ZBED6: variants seen among roughly 807,000 people sequenced by gnomAD.
ZBED6 encodes the protein zinc finger BED domain-containing protein 6.
In ZBED6, 40 loss-of-function variants were observed where a neutral mutation model predicts 58.4. That is an observed-to-expected ratio of 0.68 (90% CI 0.53 to 0.89). The LOEUF (loss-of-function observed/expected upper bound fraction) is 0.89. Among genes scored for constraint, ZBED6 ranks in the 40% least tolerant of loss-of-function variants. The pLI, the probability that ZBED6 is intolerant of heterozygous loss-of-function variation, is 0.00. For synonymous variants in ZBED6, 439 were observed against 350.6 expected, an observed-to-expected ratio of 1.25 and a Z score of -2.82; for missense variants, 1,057 against 1,003.9, an observed-to-expected ratio of 1.05 and a Z score of -0.71.
intron 16 of ZBED6, 120 bp from the exon 17 acceptor site, chr1:203,852,020 AT>A: frequency 1.3e-6 from 1 of 772,776 alleles, no homozygotes; most frequent in East Asian, 3.0e-5. Context: ...CAGTAAAAGA[AT>A]TATTTCTTTA....
intron 11 of ZBED6, among the ~76,000 whole-genome samples, chr1:203,842,332 T>TC (rs1686627634): frequency 6.6e-6 from 1 of 152,252 alleles, no homozygotes; most frequent in Non-Finnish European, 1.5e-5. Context: ...TGAGCGAGAC[T>TC]CCGTCTGCAA....
At chr1:203,813,258 G>A (rs1306283609) in intron 1 of ZBED6, among the ~76,000 whole-genome samples, 1 of 151,784 alleles carries the variant, frequency 6.6e-6, no homozygotes, top group African/African-American at 2.4e-5. Flanking sequence ...CTAGGCTGGA[G>A]TGCAGTGGTG....
chr1:203,799,839 T>A (rs375656792), exon 1 of ZBED6: 13 of 1,520,646 alleles, frequency 8.5e-6, no homozygotes, highest in African/African-American at 6.9e-5. Flanking sequence ...GTTAGATCCT[T>A]GCTTTAAAAA....
At chr1:203,834,116 C>A in intron 9 of ZBED6, 1 of 1,126,650 alleles carries the variant, frequency 8.9e-7, no homozygotes, top group Non-Finnish European at 1.1e-6. Context: ...AAGAACACCT[C>A]TATTTCTCTG....
chr1:203,839,801 C>A (rs1017648188), intron 10 of ZBED6, among the ~76,000 whole-genome samples: 4 of 151,890 alleles, frequency 2.6e-5, no homozygotes, highest in Admixed American at 2.0e-4. Flanking sequence ...TTCTTTGTTT[C>A]TTTTGGTATT....
At chr1:203,819,085 T>TAC (rs1329539748) in intron 3 of ZBED6, among the ~76,000 whole-genome samples, 112 of 66,030 alleles carry the variant, frequency 1.7e-3, no homozygotes, top group African/African-American at 4.6e-3. Context: ...AAAATATATA[T>TAC]ATATACACAC....
chr1:203,797,323 A>G, exon 1 of ZBED6: 1 of 474,182 alleles, frequency 2.1e-6, no homozygotes, highest in African/African-American at 2.0e-5. Context: ...GCCCTCTAAG[A>G]AAGAGTTCGG....
intron 3 of ZBED6, among the ~76,000 whole-genome samples, chr1:203,821,827 C>T (rs12028219): frequency 2.0e-5 from 3 of 151,748 alleles, no homozygotes; most frequent in South Asian, 2.1e-4. Flanking sequence ...GCGCGATCTC[C>T]GCTCACTGCA....
At chr1:203,838,369 T>A (rs1229639911) in intron 10 of ZBED6, among the ~76,000 whole-genome samples, 1 of 152,194 alleles carries the variant, frequency 6.6e-6, no homozygotes, top group Admixed American at 6.5e-5. Context: ...AGGAGAGGCA[T>A]CTATTATTAC....
chr1:203,839,129 G>A (rs1685292393), intron 10 of ZBED6, among the ~76,000 whole-genome samples: 1 of 152,154 alleles, frequency 6.6e-6, no homozygotes, highest in African/African-American at 2.4e-5. Flanking sequence ...GATAAGACGA[G>A]GTAGTGGCAT....
At chr1:203,809,218 C>T (rs985848154) in intron 1 of ZBED6, among the ~76,000 whole-genome samples, 2 of 144,112 alleles carry the variant, frequency 1.4e-5, no homozygotes, top group Non-Finnish European at 3.0e-5. Flanking sequence ...CTTTGTCTCC[C>T]AGGCTGGAGT....
Position 203,833,863 on chromosome 1 carries a change from GTTTTGTGTATATC to G in ZBED6, c.*3573+15_*3573+27del. On this transcript the variant is annotated intron_variant, in intron 9 of 16. Transcript: ENST00000550078. ...CGAAAATTTTCAGCAGGTAAGATAA[GTTTTGTGTATATC>G]TTTTCTTTTCTACTTGTTTGTGCAT... 6.2e-7 allele frequency: 1 copy of G among 1,607,052 alleles called. No homozygotes were observed. The highest frequency in any genetic ancestry group is 1.1e-5 in the South Asian group (1 of 89,920).
At chr1:203,808,529 C>A (rs1056545460) in intron 1 of ZBED6, among the ~76,000 whole-genome samples, 11 of 152,146 alleles carry the variant, frequency 7.2e-5, no homozygotes, top group Admixed American at 3.3e-4. Context: ...CTTTCATAAT[C>A]TCTACAAATT....
At chr1:203,806,085 C>T (rs913330051) in intron 1 of ZBED6, 9 of 504,386 alleles carry the variant, frequency 1.8e-5, no homozygotes, top group African/African-American at 5.9e-5. Context: ...AGGCTTTCTG[C>T]GTAATCATAT....
chr1:203,833,756 C>CT (rs1273786829), intron 8 of ZBED6, 35 bp from the exon 9 acceptor site: 1 of 1,584,400 alleles, frequency 6.3e-7, no homozygotes, highest in Non-Finnish European at 8.6e-7. Flanking sequence ...GAAAAATTGA[C>CT]TAAGGATAGA....
intron 14 of ZBED6, 41 bp from the exon 15 acceptor site, chr1:203,850,474 T>G: frequency 6.2e-7 from 1 of 1,609,640 alleles, no homozygotes; most frequent in South Asian, 1.1e-5. Context: ...TTTAAAAGAG[T>G]CTATTCTCAC....
At chr1:203,850,107 C>A (rs1271726017) in intron 14 of ZBED6, 81 bp downstream of exon 14, 13 of 1,318,442 alleles carry the variant, frequency 9.9e-6, no homozygotes, top group Non-Finnish European at 1.3e-5. Context: ...AACTTCCTGG[C>A]AACAATTGGG....
At chr1:203,827,721 T>C (rs1306674544) in intron 3 of ZBED6, among the ~76,000 whole-genome samples, 2 of 151,856 alleles carry the variant, frequency 1.3e-5, no homozygotes, top group Non-Finnish European at 2.9e-5. Context: ...GAAGGATACC[T>C]AACATCCTTA....
intron 2 of ZBED6, among the ~76,000 whole-genome samples, chr1:203,818,230 C>T (rs1479839471): frequency 1.3e-5 from 2 of 150,226 alleles, no homozygotes; most frequent in Non-Finnish European, 1.5e-5. Flanking sequence ...GATTTTCCAT[C>T]AAAAGCTAGA....
Sources: allele counts gnomAD v4.1 joint callset (sites outside exome capture counted in the v4.1 genomes callset), GRCh38; gene constraint gnomAD v4.1.1; transcripts MANE v1.5; gene names NCBI Gene and HGNC (gene_info 2026-07-23, HGNC 2026-07-21).